MSRA: variants seen among roughly 807,000 people sequenced by gnomAD.
MSRA encodes the protein methionine sulfoxide reductase A, also known as mitochondrial peptide methionine sulfoxide reductase.
In MSRA, 54 loss-of-function variants were observed where a neutral mutation model predicts 31.3. That is an observed-to-expected ratio of 1.73 (90% CI 1.39 to 2.17). The LOEUF (loss-of-function observed/expected upper bound fraction) is 2.17, where lower values mean the gene tolerates loss of function less well. MSRA is among the 30% of genes most tolerant of loss of function. The pLI is 0.00. For synonymous variants in MSRA, 169 were observed against 116.5 expected (o/e 1.45, Z -2.90); for missense variants, 507 against 300.9 (o/e 1.69, Z -5.07).
intron 5 of MSRA, chr8:10,337,012 T>G (rs905564323): frequency 6.6e-6 from 1 of 152,142 alleles, no homozygotes; most frequent in Non-Finnish European, 1.5e-5. Context: ...AAAACAATGG[T>G]AAAGACCACC....
intron 5 of MSRA, among the ~76,000 whole-genome samples, chr8:10,395,159 C>T (rs1279711950): frequency 6.6e-6 from 1 of 152,080 alleles, no homozygotes; most frequent in East Asian, 1.9e-4. Context: ...CTTTTGGTGG[C>T]CGGGGGGAAG....
intron 5 of MSRA, among the ~76,000 whole-genome samples, chr8:10,388,302 TCGA>T (rs1806519032): frequency 6.6e-6 from 1 of 152,148 alleles, no homozygotes; most frequent in African/African-American, 2.4e-5. Context: ...GCCTTCTCCC[TCGA>T]TAAGGGTCTT....
At chr8:10,088,460 C>A (rs116405757) in intron 1 of MSRA, among the ~76,000 whole-genome samples, 1,853 of 152,134 alleles carry the variant, frequency 0.012, 36 homozygotes, top group African/African-American at 0.043. Flanking sequence ...ACTGGCCAGG[C>A]GTGGTGGCTC....
intron 5 of MSRA, among the ~76,000 whole-genome samples, chr8:10,394,793 G>C (rs1036666666): frequency 1.3e-5 from 2 of 152,260 alleles, no homozygotes; most frequent in African/African-American, 4.8e-5. Context: ...ATGGGAAGGA[G>C]TTGGCTTGTC....
intron 1 of MSRA, chr8:10,096,152 A>G: frequency 1.6e-6 from 2 of 1,246,778 alleles, no homozygotes; most frequent in South Asian, 5.5e-5. Flanking sequence ...TCAGAGTAAA[A>G]GTTGTTTTAT....
intron 2 of MSRA, among the ~76,000 whole-genome samples, chr8:10,220,295 T>C (rs943058250): frequency 1.3e-5 from 2 of 152,232 alleles, no homozygotes; most frequent in African/African-American, 4.8e-5. Flanking sequence ...TGCCTGCAGA[T>C]GGATGTCTTT....
At chr8:10,237,980 T>G (rs1812094772) in intron 2 of MSRA, among the ~76,000 whole-genome samples, 2 of 152,198 alleles carry the variant, frequency 1.3e-5, no homozygotes, top group African/African-American at 4.8e-5. Context: ...GTTTTATCAT[T>G]TCCTCTCCCG....
In MSRA at chr8:10,419,504, A is replaced by T. The variant is rs11985838; in HGVS notation, c.544-8644A>T. On this transcript the variant is annotated intron_variant, in intron 5 of 5. Coordinates refer to ENST00000317173, the MANE Select transcript of MSRA (RefSeq NM_012331.5). ...AAGTAGAATAACGGCCCCACCCTGC[A>T]GGATGAGTAGCCTGATGACGTGAGA... 6.0e-3 allele frequency among the ~76,000 whole-genome samples: 921 copies of T among 152,342 alleles called. 8 individuals are homozygous for T. The highest frequency in any genetic ancestry group is 0.016 in the African/African-American group (652 of 41,574).
At chr8:10,280,186 G>A (rs1275277852) in intron 3 of MSRA, among the ~76,000 whole-genome samples, 1 of 151,652 alleles carries the variant, frequency 6.6e-6, no homozygotes, top group Non-Finnish European at 1.5e-5. Flanking sequence ...ATTTATTTGT[G>A]CTTTCTTTTT....
At chr8:10,065,252 AGTCT>A (rs937031390) in intron 1 of MSRA, among the ~76,000 whole-genome samples, 1 of 152,164 alleles carries the variant, frequency 6.6e-6, no homozygotes, top group African/African-American at 2.4e-5. Context: ...GCACTCAGGC[AGTCT>A]GTCCCTGCTA....
intron 1 of MSRA, among the ~76,000 whole-genome samples, chr8:10,172,057 T>A (rs1805635272): frequency 6.6e-6 from 1 of 152,176 alleles, no homozygotes; most frequent in Admixed American, 6.5e-5. Context: ...ATATACTCAC[T>A]CCCAGATTTC....
chr8:10,149,088 T>C (rs550184139), intron 1 of MSRA, among the ~76,000 whole-genome samples: 10 of 151,368 alleles, frequency 6.6e-5, no homozygotes, highest in African/African-American at 2.4e-4. Context: ...CCCAAGTAGG[T>C]AGGATTATAG....
intron 1 of MSRA, among the ~76,000 whole-genome samples, chr8:10,097,509 G>A (rs1164823014): frequency 6.6e-6 from 1 of 152,102 alleles, no homozygotes; most frequent in Non-Finnish European, 1.5e-5. Flanking sequence ...AGAAAGTTCA[G>A]CAAACAAGTT....
chr8:10,398,092 A>C (rs1807214052), intron 5 of MSRA, among the ~76,000 whole-genome samples: 1 of 152,240 alleles, frequency 6.6e-6, no homozygotes, highest in Non-Finnish European at 1.5e-5. Flanking sequence ...GTCTATTAAA[A>C]TTTGGGACCC....
intron 5 of MSRA, among the ~76,000 whole-genome samples, chr8:10,387,656 C>T (rs1158957536): frequency 6.6e-6 from 1 of 152,140 alleles, no homozygotes; most frequent in Non-Finnish European, 1.5e-5. Context: ...TCTCATCATG[C>T]AGATAAAGTC....
chr8:10,167,578 G>T (rs1325625778), intron 1 of MSRA, among the ~76,000 whole-genome samples: 1 of 152,142 alleles, frequency 6.6e-6, no homozygotes, highest in Non-Finnish European at 1.5e-5. Context: ...GAGATTAGCT[G>T]AGCTTTTGCT....
At chr8:10,376,532 C>T (rs1805765781) in intron 5 of MSRA, among the ~76,000 whole-genome samples, 2 of 152,160 alleles carry the variant, frequency 1.3e-5, no homozygotes, top group Admixed American at 1.3e-4. Context: ...AATGATAGGA[C>T]CTGCCTCCTG....
chr8:10,104,677 T>C (rs762163688), intron 1 of MSRA, among the ~76,000 whole-genome samples: 9 of 152,188 alleles, frequency 5.9e-5, no homozygotes, highest in Non-Finnish European at 8.8e-5. Flanking sequence ...ATGTTTCTTA[T>C]CAGACTTAAG....
intron 5 of MSRA, among the ~76,000 whole-genome samples, chr8:10,401,238 G>A (rs1715042762): frequency 6.6e-6 from 1 of 152,084 alleles, no homozygotes; most frequent in Non-Finnish European, 1.5e-5. Flanking sequence ...TTGAAAAATG[G>A]GCAAGGGACT....
Sources: allele counts gnomAD v4.1 joint callset (sites outside exome capture counted in the v4.1 genomes callset), GRCh38; gene constraint gnomAD v4.1.1; transcripts MANE v1.5; gene names NCBI Gene and HGNC (gene_info 2026-07-23, HGNC 2026-07-21).